The following ATXN7 variants were observed in gnomAD, a reference collection of about 807,000 sequenced individuals.
The protein encoded by ATXN7 is ataxin 7.
Under a neutral mutation model 70.5 loss-of-function variants are expected in ATXN7, and 12 were observed. The observed-to-expected ratio is 0.17, with a 90% CI of 0.11 to 0.28. The LOEUF is 0.28. Among genes scored for constraint, ATXN7 ranks in the 10% least tolerant of loss-of-function variants. The pLI, the probability that ATXN7 is intolerant of heterozygous loss-of-function variation, is 1.00. For synonymous variants in ATXN7, 498 were observed against 448.7 expected (o/e 1.11, Z -1.39); for missense variants, 1,256 against 1,131.7 (o/e 1.11, Z -1.58).
chr3:63,894,977 C>T (rs1200599287), intron 1 of ATXN7, among the ~76,000 whole-genome samples: 1 of 152,112 alleles, frequency 6.6e-6, no homozygotes, highest in South Asian at 2.1e-4. Context: ...CCTCCTCCCC[C>T]AACAAGCTCT....
At chr3:63,935,616 T>G (rs2074647459) in intron 4 of ATXN7, among the ~76,000 whole-genome samples, 1 of 152,186 alleles carries the variant, frequency 6.6e-6, no homozygotes. Context: ...TGGAACATAC[T>G]GCTTCAAACT....
At chr3:63,873,579 AT>A (rs1437920538) in intron 1 of ATXN7, among the ~76,000 whole-genome samples, 2 of 152,190 alleles carry the variant, frequency 1.3e-5, no homozygotes, top group African/African-American at 4.8e-5. Context: ...ACCAACAGAT[AT>A]TTACTATCTG....
chr3:63,999,210 C>CT (rs2075805569), intron 12 of ATXN7: 1 of 458,416 alleles, frequency 2.2e-6, no homozygotes, highest in Admixed American at 3.5e-5. Flanking sequence ...AAACCCAGGC[C>CT]TGCAACTCTT....
intron 5 of ATXN7, among the ~76,000 whole-genome samples, chr3:63,953,639 A>G (rs1039580205): frequency 1.3e-5 from 2 of 151,576 alleles, no homozygotes; most frequent in Non-Finnish European, 2.9e-5. Context: ...GGAAGACTGC[A>G]TAGCTTTGAG....
chr3:63,988,434 G>A, intron 9 of ATXN7, 110 bp downstream of exon 9: 2 of 1,410,126 alleles, frequency 1.4e-6, no homozygotes, highest in South Asian at 2.7e-5. Context: ...GGCTCACTGT[G>A]GAGATAGTTT....
At chr3:63,942,863 T>C (rs2074794420) in intron 4 of ATXN7, among the ~76,000 whole-genome samples, 1 of 152,230 alleles carries the variant, frequency 6.6e-6, no homozygotes, top group African/African-American at 2.4e-5. Flanking sequence ...CAAGTGAGTA[T>C]ACTGAGCAGA....
Position 63,912,711 on chromosome 3 carries a change from A to AGCAGCCGCC in ATXN7, c.116_124dup (p.Gln39_Pro41dup). 14 of 1,207,122 alleles carry AGCAGCCGCC rather than the reference A, an allele frequency of 1.2e-5. No homozygotes were observed. Among genetic ancestry groups the AGCAGCCGCC allele is most frequent in the Non-Finnish European group, 1.5e-5 (14 of 962,710 alleles). 74.8% of individuals were successfully genotyped at this position (1,207,122 alleles called of 1,614,324 possible). A position where few individuals can be genotyped will look rare whatever the true frequency, so the allele number is the denominator to read the frequency against. On this transcript the variant is annotated inframe_insertion, in exon 3 of 13. Coordinates refer to ENST00000674280, the MANE Select transcript of ATXN7 (RefSeq NM_001377405.1). ...CAGCAGCAGCAGCAGCAGCAGCAGC[A>AGCAGCCGCC]GCAGCCGCCGCCTCCGCAGCCCCAG...
intron 4 of ATXN7, among the ~76,000 whole-genome samples, chr3:63,950,432 T>C (rs2074934392): frequency 6.6e-6 from 1 of 152,170 alleles, no homozygotes. Context: ...ACACTGTTTA[T>C]TTAATACTGT....
At chr3:63,931,588 G>C (rs1704965625) in intron 4 of ATXN7, among the ~76,000 whole-genome samples, 1 of 151,968 alleles carries the variant, frequency 6.6e-6, no homozygotes, top group Non-Finnish European at 1.5e-5. Context: ...TTTTCCTTAT[G>C]GCCTTTTTGT....
chr3:63,863,357 C>T, upstream of ATXN7: 1 of 805,410 alleles, frequency 1.2e-6, no homozygotes, highest in Non-Finnish European at 1.5e-6. Context: ...AGCCCGGCAC[C>T]ACTGTCCACC....
chr3:63,929,101 G>A (rs148719013), intron 4 of ATXN7, among the ~76,000 whole-genome samples: 1 of 152,180 alleles, frequency 6.6e-6, no homozygotes, highest in East Asian at 1.9e-4. Context: ...TGAGACAGGT[G>A]AAAACAATTC....
chr3:63,912,582 T>G lies in ATXN7; in HGVS notation c.-11-6T>G. The G allele has an allele frequency of 1.8e-6, 2 of 1,105,094 alleles. No homozygotes were observed. Among genetic ancestry groups the G allele is most frequent in the Non-Finnish European group, 2.2e-6 (2 of 893,076 alleles). The allele number at this position is 1,105,094 out of a possible 1,614,324, so 68.5% of individuals were successfully genotyped here. ...CTCTTTCCCCCTTTTTTTTGTTACA[T>G]TGTAGGAGCGGAAAGAATGTCGGAG... On this transcript the variant is annotated splice_region_variant and splice_polypyrimidine_tract_variant and intron_variant, in intron 2 of 12. Transcript: ENST00000674280.
chr3:63,891,051 C>A (rs1354230220), intron 1 of ATXN7, among the ~76,000 whole-genome samples: 1 of 151,880 alleles, frequency 6.6e-6, no homozygotes, highest in African/African-American at 2.4e-5. Context: ...GCTCTGTCAC[C>A]CAGGCTGGAG....
chr3:63,863,802 C>T, upstream of ATXN7: 2 of 1,097,262 alleles, frequency 1.8e-6, no homozygotes, highest in Non-Finnish European at 2.3e-6. Context: ...GCGTGCGCGG[C>T]GGCGGCGGCG....
chr3:63,998,573 C>T, intron 12 of ATXN7: 1 of 985,282 alleles, frequency 1.0e-6, no homozygotes, highest in Non-Finnish European at 1.2e-6. Flanking sequence ...TCAGTTTCCA[C>T]TTAAGTTTGT....
intron 1 of ATXN7, among the ~76,000 whole-genome samples, chr3:63,886,473 A>G (rs1703089875): frequency 2.0e-5 from 3 of 152,216 alleles, no homozygotes; most frequent in African/African-American, 7.2e-5. Context: ...ATATATACAT[A>G]AAAGATCATA....
intron 4 of ATXN7, among the ~76,000 whole-genome samples, chr3:63,945,837 A>G (rs563010169): frequency 6.6e-6 from 1 of 152,222 alleles, no homozygotes; most frequent in Non-Finnish European, 1.5e-5. Flanking sequence ...GAAGTAGAGC[A>G]ACAAGCCAGG....
intron 1 of ATXN7, among the ~76,000 whole-genome samples, chr3:63,893,092 A>T (rs2107251027): frequency 6.6e-6 from 1 of 152,352 alleles, no homozygotes; most frequent in Non-Finnish European, 1.5e-5. Flanking sequence ...AAAGGAGCAC[A>T]GAAAGAGTTC....
At chr3:63,966,491 T>G (rs2075224265) in intron 5 of ATXN7, among the ~76,000 whole-genome samples, 2 of 152,248 alleles carry the variant, frequency 1.3e-5, no homozygotes, top group Non-Finnish European at 2.9e-5. Context: ...GGCTTGCTGA[T>G]GGCTCTTCCC....
Sources: allele counts gnomAD v4.1 joint callset (sites outside exome capture counted in the v4.1 genomes callset), GRCh38; gene constraint gnomAD v4.1.1; transcripts MANE v1.5; gene names NCBI Gene and HGNC (gene_info 2026-07-23, HGNC 2026-07-21).